ROR2: variants seen among roughly 807,000 people sequenced by gnomAD.
ROR2 encodes the protein tyrosine-protein kinase transmembrane receptor ROR2.
In ROR2, 33 loss-of-function variants were observed where a neutral mutation model predicts 74.9. The observed-to-expected ratio is 0.44, with a 90% CI of 0.33 to 0.59. ROR2 has a LOEUF of 0.59. Ranked by LOEUF, ROR2 falls within the 20% of genes least tolerant of loss-of-function variation. The pLI, the probability that ROR2 is intolerant of heterozygous loss-of-function variation, is 0.02. For synonymous variants in ROR2, 586 were observed against 558.7 expected, an observed-to-expected ratio of 1.05 and a Z score of -0.69; for missense variants, 1,216 against 1,313.8, an observed-to-expected ratio of 0.93 and a Z score of 1.15.
At chr9:91,878,655 GC>G (rs1564015496) in intron 1 of ROR2, among the ~76,000 whole-genome samples, 1 of 152,168 alleles carries the variant, frequency 6.6e-6, no homozygotes, top group Non-Finnish European at 1.5e-5. Context: ...CCAAACCATA[GC>G]CCATCATTCT....
chr9:91,815,669 G>A (rs1000037888), intron 1 of ROR2, among the ~76,000 whole-genome samples: 1 of 152,188 alleles, frequency 6.6e-6, no homozygotes, highest in African/African-American at 2.4e-5. Context: ...CACTGTGACC[G>A]TCAGCCTCTG....
intron 1 of ROR2, among the ~76,000 whole-genome samples, chr9:91,898,427 A>C (rs575616557): frequency 6.6e-6 from 1 of 152,194 alleles, no homozygotes. Flanking sequence ...TTGAGACCCA[A>C]GATACTAAAT....
intron 1 of ROR2, among the ~76,000 whole-genome samples, chr9:91,933,911 T>G (rs536478255): frequency 2.2e-4 from 33 of 152,290 alleles, no homozygotes; most frequent in Admixed American, 7.2e-4. Context: ...GAAAATGAAC[T>G]GGATGGTAGT....
At chr9:91,771,873 G>A (rs778444975) in intron 2 of ROR2, among the ~76,000 whole-genome samples, 2 of 152,182 alleles carry the variant, frequency 1.3e-5, no homozygotes, top group Admixed American at 6.5e-5. Flanking sequence ...TGATGAACTG[G>A]TCCACAGGCC....
intron 1 of ROR2, among the ~76,000 whole-genome samples, chr9:91,892,131 C>T (rs1401731007): frequency 2.0e-5 from 3 of 151,868 alleles, no homozygotes; most frequent in African/African-American, 7.3e-5. Flanking sequence ...CTGTCCCAAC[C>T]TCTAGGCCCA....
At chr9:91,923,362 T>G (rs1179105585) in intron 1 of ROR2, among the ~76,000 whole-genome samples, 1 of 152,198 alleles carries the variant, frequency 6.6e-6, no homozygotes, top group Non-Finnish European at 1.5e-5. Context: ...TGTTTGTAAT[T>G]TTATTCAGTC....
intron 1 of ROR2, among the ~76,000 whole-genome samples, chr9:91,932,982 A>G (rs1831589390): frequency 1.3e-5 from 2 of 152,156 alleles, no homozygotes; most frequent in South Asian, 4.2e-4. Flanking sequence ...TTCTGGGAAA[A>G]CAACTTTGTA....
intron 1 of ROR2, among the ~76,000 whole-genome samples, chr9:91,921,645 C>G (rs1286081351): frequency 6.6e-6 from 1 of 152,154 alleles, no homozygotes; most frequent in Non-Finnish European, 1.5e-5. Context: ...GGGTGGATTA[C>G]TTGAGGTCAG....
In ROR2 at chr9:91,867,519, A is replaced by G. The variant is rs1829668235; in HGVS notation, c.97+82348T>C. On this transcript the variant is annotated intron_variant, in intron 1 of 8. Transcript: ENST00000375708. Reference sequence around the variant, plus strand: ...AGTATGCAGCCAAACAAGGGAACTAAAACCCAAGATGTTGGGCTAGAGGAC... The same window carrying G: ...AGTATGCAGCCAAACAAGGGAACTAGAACCCAAGATGTTGGGCTAGAGGAC... Among the ~76,000 whole-genome samples, 4 of 152,180 alleles carry G rather than the reference A, an allele frequency of 2.6e-5. No homozygotes were observed. The South Asian group carries it at 8.3e-4, about 32-fold the overall frequency.
chr9:91,824,292 T>TG (rs1183678857), intron 1 of ROR2, among the ~76,000 whole-genome samples: 1 of 152,228 alleles, frequency 6.6e-6, no homozygotes. Context: ...TACATGCCTG[T>TG]GGGGTTCCCC....
chr9:91,923,830 T>A (rs1323988976), intron 1 of ROR2: 1 of 152,228 alleles, frequency 6.6e-6, no homozygotes, highest in Non-Finnish European at 1.5e-5. Context: ...TCTGAGAGAT[T>A]CCAAGCTCCC....
At chr9:91,850,747 T>C (rs1356441959) in intron 1 of ROR2, among the ~76,000 whole-genome samples, 4 of 152,248 alleles carry the variant, frequency 2.6e-5, no homozygotes, top group Admixed American at 6.5e-5. Flanking sequence ...GTCTCTTCTC[T>C]AATTTTACTA....
At chr9:91,939,628 T>C (rs1831795519) in intron 1 of ROR2, among the ~76,000 whole-genome samples, 1 of 152,082 alleles carries the variant, frequency 6.6e-6, no homozygotes, top group Non-Finnish European at 1.5e-5. Flanking sequence ...AAAGGCCATC[T>C]CTCCATCCCA....
At chr9:91,833,330 C>A (rs967638485) in intron 1 of ROR2, among the ~76,000 whole-genome samples, 2 of 152,182 alleles carry the variant, frequency 1.3e-5, no homozygotes, top group Non-Finnish European at 2.9e-5. Context: ...CATCCTGCCA[C>A]CCCCAGCTGG....
intron 1 of ROR2, among the ~76,000 whole-genome samples, chr9:91,786,518 G>A (rs952579174): frequency 1.3e-5 from 2 of 152,106 alleles, no homozygotes; most frequent in Admixed American, 1.3e-4. Context: ...TGATAAGAAG[G>A]TGGGTCTGTG....
At chr9:91,746,433 A>G (rs1212122249) in intron 4 of ROR2, among the ~76,000 whole-genome samples, 1 of 152,108 alleles carries the variant, frequency 6.6e-6, no homozygotes, top group Non-Finnish European at 1.5e-5. Context: ...TGGCACTTTC[A>G]ATTTTATAGT....
At chr9:91,847,848 T>C (rs1587778044) in intron 1 of ROR2, among the ~76,000 whole-genome samples, 1 of 151,744 alleles carries the variant, frequency 6.6e-6, no homozygotes, top group East Asian at 1.9e-4. Flanking sequence ...GGCTTTGATC[T>C]TGCAGGAAAC....
At chr9:91,920,591 G>A (rs1040387798) in intron 1 of ROR2, among the ~76,000 whole-genome samples, 2 of 152,208 alleles carry the variant, frequency 1.3e-5, no homozygotes, top group Non-Finnish European at 2.9e-5. Flanking sequence ...ATCAGGTGAG[G>A]AAGCCTAGCA....
In ROR2 at chr9:91,950,157, C is replaced by T. The variant is rs1423809926; in HGVS notation, c.-194G>A. 2.7e-6 allele frequency: 1 copy of T among 375,496 alleles called. No individual in the cohort carries two copies. The highest frequency in any genetic ancestry group is 4.7e-6 in the Non-Finnish European group (1 of 213,872). The allele number at this position is 375,496 out of a possible 1,614,324, so 23.3% of individuals were successfully genotyped here. ...CGCTCGGCTCCGGCCACGGCAAGGG[C>T]TGGCTGGGGAGGTTCCTTGGCGCGG... is the stretch of plus-strand genomic sequence containing the variant. On this transcript the variant is annotated 5_prime_UTR_variant, in exon 1 of 9. Coordinates refer to ENST00000375708, the MANE Select transcript of ROR2 (RefSeq NM_004560.4).
Sources: gnomAD v4.1 joint callset for allele counts (sites outside exome capture counted in the v4.1 genomes callset) on GRCh38, gnomAD v4.1.1 for gene constraint, MANE v1.5 for transcripts, NCBI Gene and HGNC (gene_info 2026-07-23, HGNC 2026-07-21) for gene names.